The following UNC13C variants were observed in gnomAD, a reference collection of about 807,000 sequenced individuals.
The protein encoded by UNC13C is unc-13 homolog C, also known as protein unc-13 homolog C.
Under a neutral mutation model 245.4 loss-of-function variants are expected in UNC13C, and 174 were observed. That is an observed-to-expected ratio of 0.71 (90% CI 0.63 to 0.80). The LOEUF is 0.80. Among genes scored for constraint, UNC13C ranks in the 30% least tolerant of loss-of-function variants. UNC13C has a pLI of 0.00. For missense variants in UNC13C, 2,829 were observed against 2,602.9 expected, an observed-to-expected ratio of 1.09 and a Z score of -1.89; for synonymous variants, 992 against 895.1, an observed-to-expected ratio of 1.11 and a Z score of -1.93.
chr15:54,193,436 TA>T (rs2034253063), intron 4 of UNC13C, among the ~76,000 whole-genome samples: 1 of 152,190 alleles, frequency 6.6e-6, no homozygotes, highest in African/African-American at 2.4e-5. Context: ...TTATCCTTTT[TA>T]TTTTTTGCCC....
chr15:53,946,557 C>A, the UNC13C span, among the ~76,000 whole-genome samples: 1 of 149,864 alleles, frequency 6.7e-6, no homozygotes, highest in African/African-American at 2.4e-5. Flanking sequence ...CCTGTCTCTA[C>A]TAAAAATACA....
chr15:53,897,403 A>G, the UNC13C span, among the ~76,000 whole-genome samples: 4 of 152,348 alleles, frequency 2.6e-5, no homozygotes, highest in Non-Finnish European at 4.4e-5. Context: ...TTTTTCGAGT[A>G]CATGGATAGC....
chr15:54,124,684 A>C (rs1004456143), intron 2 of UNC13C, among the ~76,000 whole-genome samples: 1 of 152,192 alleles, frequency 6.6e-6, no homozygotes, highest in Non-Finnish European at 1.5e-5. Flanking sequence ...ATCATTATTA[A>C]GAATTAATCC....
At chr15:54,201,958 C>T (rs1474632639) in intron 4 of UNC13C, among the ~76,000 whole-genome samples, 4 of 151,886 alleles carry the variant, frequency 2.6e-5, no homozygotes, top group Admixed American at 6.6e-5. Flanking sequence ...TAAATGAATT[C>T]GGTGAAGTTT....
chr15:54,056,647 A>C (rs1282495547), intron 2 of UNC13C, among the ~76,000 whole-genome samples: 1 of 152,148 alleles, frequency 6.6e-6, no homozygotes, highest in Admixed American at 6.5e-5. Flanking sequence ...CAACTCCAAG[A>C]CACATAATTG....
rs1394962382 is a variant in UNC13C at position 54,628,496 on chromosome 15, T to G, written c.*1383T>G. On this transcript the variant is annotated 3_prime_UTR_variant, in exon 33 of 33. Coordinates refer to ENST00000260323, the MANE Select transcript of UNC13C (RefSeq NM_001080534.3). ...TCACAGACCAGTGAGGTGAGCTAAT[T>G]CATGTTAAACTGTTAGGCCACTGCT... 6.6e-6 allele frequency: 1 copy of G among 152,590 alleles called. No individual in the cohort carries two copies. The highest frequency in any genetic ancestry group is 1.5e-5 in the Non-Finnish European group (1 of 68,022). The allele number at this position is 152,590 out of a possible 1,614,324, so 9.5% of individuals were successfully genotyped here.
At chr15:54,628,813 T>TTTG (rs1225643472), downstream of UNC13C, 1 of 152,084 alleles carries the variant, frequency 6.6e-6, no homozygotes, top group Non-Finnish European at 1.5e-5. Flanking sequence ...AAAATGTTTG[T>TTTG]TTGTTTATAC....
At chr15:53,846,021 TA>T in the UNC13C span, among the ~76,000 whole-genome samples, 1 of 152,180 alleles carries the variant, frequency 6.6e-6, no homozygotes, top group Non-Finnish European at 1.5e-5. Context: ...CAGTATTCAA[TA>T]AATTACATGA....
chr15:54,569,810 C>G (rs906771320), intron 30 of UNC13C, among the ~76,000 whole-genome samples: 1 of 150,502 alleles, frequency 6.6e-6, no homozygotes, highest in African/African-American at 2.4e-5. Flanking sequence ...ATTTTTTTTT[C>G]AGATAACTGA....
intron 30 of UNC13C, among the ~76,000 whole-genome samples, chr15:54,574,143 A>T (rs1271992303): frequency 6.6e-6 from 1 of 152,226 alleles, no homozygotes; most frequent in Non-Finnish European, 1.5e-5. Context: ...AATAGATATT[A>T]TTAAAAGTAT....
rs748199260 is a variant in UNC13C, at chr15:54,393,142, T to C, written c.4808T>C (p.Ile1603Thr). The C allele has an allele frequency of 1.9e-6, 3 of 1,609,586 alleles. No homozygotes were observed. The highest frequency in any genetic ancestry group is 8.5e-7 in the Non-Finnish European group (1 of 1,178,092). The change falls in exon 18 of 33, where the codon ATT (isoleucine) becomes ACT (threonine). Residue 1603 changes from isoleucine to threonine, a missense_variant. By Grantham distance (89) the Ile-to-Thr change is moderately conservative (BLOSUM62 -1). Coordinates refer to ENST00000260323, the MANE Select transcript of UNC13C (RefSeq NM_001080534.3). ...PQLITLMVTI[I>T]DEDKTAYTPV... Reference sequence around the variant, plus strand: ...CTTATTACACTGATGGTTACTATTATTGATGAGGATAAAACTGCCTACACA... The same window carrying C: ...CTTATTACACTGATGGTTACTATTACTGATGAGGATAAAACTGCCTACACA...
intron 4 of UNC13C, among the ~76,000 whole-genome samples, chr15:54,226,049 A>G (rs1381954164): frequency 6.6e-6 from 1 of 152,170 alleles, no homozygotes; most frequent in Admixed American, 6.5e-5. Context: ...GCCTTTTTGC[A>G]TCTGTTGAGA....
intron 19 of UNC13C, among the ~76,000 whole-genome samples, chr15:54,450,037 A>T (rs1327549628): frequency 6.6e-6 from 1 of 152,202 alleles, no homozygotes; most frequent in Non-Finnish European, 1.5e-5. Context: ...CTGGAGGTCC[A>T]CTGCAGACCC....
intron 1 of UNC13C, among the ~76,000 whole-genome samples, chr15:53,979,560 A>G (rs1007203200): frequency 6.6e-6 from 1 of 152,230 alleles, no homozygotes; most frequent in African/African-American, 2.4e-5. Context: ...TTGGTCCAAC[A>G]GCATGAGTAA....
the UNC13C span, among the ~76,000 whole-genome samples, chr15:53,945,091 C>G: frequency 2.0e-5 from 3 of 151,884 alleles, no homozygotes; most frequent in Admixed American, 6.5e-5. Context: ...TGTCCTTTGC[C>G]CATGTGTTAA....
Position 54,599,276 on chromosome 15 carries a change from C to T in UNC13C, c.6107-23051C>T, listed in dbSNP as rs114850631. 9.1e-3 allele frequency among the ~76,000 whole-genome samples: 1,386 copies of T among 152,178 alleles called. 21 individuals carry two copies. Among genetic ancestry groups the T allele is most frequent in the African/African-American group, 0.032 (1,309 of 41,520 alleles). ...TACAAATCCCTGCTTCAAGATTCCA[C>T]GTTCAGGACATTTTCTAATAAACAT... On this transcript the variant is annotated intron_variant, in intron 30 of 32. Transcript: ENST00000260323.
chr15:54,321,113 G>A (rs1306639181), intron 13 of UNC13C: 2 of 512,206 alleles, frequency 3.9e-6, no homozygotes, highest in Non-Finnish European at 7.7e-6. Flanking sequence ...CTTCAACTGG[G>A]TGAGGCACTA....
intron 4 of UNC13C, among the ~76,000 whole-genome samples, chr15:54,233,297 G>A (rs1284540223): frequency 6.6e-6 from 1 of 152,042 alleles, no homozygotes; most frequent in Non-Finnish European, 1.5e-5. Flanking sequence ...ATTCTCTTCA[G>A]TTCTTTTCTT....
intron 2 of UNC13C, among the ~76,000 whole-genome samples, chr15:54,042,401 C>A (rs1896844198): frequency 6.6e-6 from 1 of 152,132 alleles, no homozygotes; most frequent in African/African-American, 2.4e-5. Context: ...GGTAAATATA[C>A]TGATACTGCT....
Sources: allele counts gnomAD v4.1 joint callset (sites outside exome capture counted in the v4.1 genomes callset), GRCh38; gene constraint gnomAD v4.1.1; transcripts MANE v1.5; gene names NCBI Gene and HGNC (gene_info 2026-07-23, HGNC 2026-07-21).